SUSD4: variants seen among roughly 807,000 people sequenced by gnomAD.
SUSD4 encodes the protein sushi domain containing 4, also known as sushi domain-containing protein 4.
SUSD4 carries 41 observed loss-of-function variants against 50.5 expected under a neutral mutation model. That is an observed-to-expected ratio of 0.81 (90% confidence interval 0.63 to 1.05). The LOEUF (loss-of-function observed/expected upper bound fraction) is 1.05. SUSD4 is among the 50% of genes least tolerant of loss of function. SUSD4 has a pLI of 0.00. For missense variants in SUSD4, 580 were observed against 634.7 expected (o/e 0.91, Z 0.93); for synonymous variants, 257 against 257.3 (o/e 1.00, Z 0.01).
At chr1:223,281,643 G>A (rs1357387231) in intron 3 of SUSD4, among the ~76,000 whole-genome samples, 2 of 152,100 alleles carry the variant, frequency 1.3e-5, no homozygotes, top group Admixed American at 6.5e-5. Flanking sequence ...ATTCACAGCC[G>A]AATTCTACTA....
rs186797349 is a variant in SUSD4, at chr1:223,226,583, A to G, written c.1061+1011T>C. ...CCTCTCACAGCTGGGAGATGTGAGC[A>G]ACACACTGCATTTTCCTGAAGGGAA... On this transcript the variant is annotated intron_variant, in intron 7 of 8. Transcript: ENST00000366878. 6.7e-3 allele frequency among the ~76,000 whole-genome samples: 1,018 copies of G among 152,336 alleles called. 14 individuals are homozygous for G. Among genetic ancestry groups the G allele is most frequent in the African/African-American group, 0.023 (966 of 41,576 alleles).
chr1:223,329,461 T>A (rs1199469113), intron 2 of SUSD4, among the ~76,000 whole-genome samples: 1 of 152,218 alleles, frequency 6.6e-6, no homozygotes, highest in African/African-American at 2.4e-5. Context: ...AAGTTCTAAC[T>A]TTCCCTCCTC....
chr1:223,359,648 T>C (rs1668860224), intron 2 of SUSD4, among the ~76,000 whole-genome samples: 1 of 152,258 alleles, frequency 6.6e-6, no homozygotes, highest in African/African-American at 2.4e-5. Context: ...GTGTCAGATG[T>C]TGTGCTGGGT....
At chr1:223,314,884 G>A (rs1191344400) in intron 2 of SUSD4, among the ~76,000 whole-genome samples, 1 of 152,152 alleles carries the variant, frequency 6.6e-6, no homozygotes, top group Non-Finnish European at 1.5e-5. Context: ...ATACACTCCA[G>A]AAATCTTATC....
chr1:223,223,320 T>A lies in SUSD4; in HGVS notation c.1373A>T (p.Asp458Val), dbSNP rs374881976. 6.2e-7 allele frequency: 1 copy of A among 1,605,050 alleles called. No individual in the cohort carries two copies. Among genetic ancestry groups the A allele is most frequent in the African/African-American group, 1.3e-5 (1 of 74,796 alleles). The change falls in exon 8 of 9, where the codon GAC becomes GTC. Residue 458 changes from aspartate (D) to valine (V), a missense_variant. Physicochemically the swap from Asp to Val is radical, Grantham distance 152. Coordinates refer to ENST00000366878, the MANE Select transcript of SUSD4 (RefSeq NM_017982.4). ...CGTGCTGGCAATTATGTCAGGGTTG[T>A]CCGAAGCAGGGTGGGTGCTCTCTTG... ...RCQESTHPAS[D>V]NPDIIASTAE...
At chr1:223,358,078 C>T (rs1000127692) in intron 2 of SUSD4, among the ~76,000 whole-genome samples, 3 of 152,142 alleles carry the variant, frequency 2.0e-5, no homozygotes, top group African/African-American at 7.2e-5. Context: ...AACACTAACA[C>T]GGAATTTTAA....
At position 223,229,805 on chromosome 1, in the gene SUSD4, C is replaced by G. The variant is rs1460685055; in HGVS notation, c.725-417G>C. Among the ~76,000 whole-genome samples the G allele has an allele frequency of 6.6e-6, 1 of 152,190 alleles. No individual in the cohort carries two copies. Among genetic ancestry groups the G allele is most frequent in the African/African-American group, 2.4e-5 (1 of 41,436 alleles). On this transcript the variant is annotated intron_variant, in intron 5 of 8. Coordinates refer to ENST00000366878, the MANE Select transcript of SUSD4 (RefSeq NM_017982.4). The surrounding 1 kb of genome is among the most constrained non-coding windows in gnomAD (Gnocchi z 4.7). Reference sequence around the variant, plus strand: ...TATCCCAAGCCTGTTTCTGTGACCACAGTAGTAATTTGGGTCTATTAAAAT... The same window carrying G: ...TATCCCAAGCCTGTTTCTGTGACCAGAGTAGTAATTTGGGTCTATTAAAAT...
At chr1:223,317,995 T>C (rs1666326031) in intron 2 of SUSD4, among the ~76,000 whole-genome samples, 1 of 102,036 alleles carries the variant, frequency 9.8e-6, no homozygotes, top group Non-Finnish European at 2.0e-5. Context: ...CTCCCAATGC[T>C]ATCCCTCCCC....
At chr1:223,270,326 A>G (rs1055328388) in intron 3 of SUSD4, among the ~76,000 whole-genome samples, 4 of 152,078 alleles carry the variant, frequency 2.6e-5, no homozygotes, top group Non-Finnish European at 5.9e-5. Context: ...ACCTGCGCAC[A>G]CACCTGGCGA....
intron 5 of SUSD4, among the ~76,000 whole-genome samples, chr1:223,246,177 T>C (rs1176547938): frequency 1.3e-5 from 2 of 152,046 alleles, no homozygotes; most frequent in Non-Finnish European, 2.9e-5. Context: ...ACGAAAAAGA[T>C]GGCAGAGGAG....
chr1:223,338,983 A>C (rs986520838), intron 2 of SUSD4, among the ~76,000 whole-genome samples: 3 of 152,172 alleles, frequency 2.0e-5, no homozygotes, highest in African/African-American at 7.2e-5. Flanking sequence ...GTCACGTGGG[A>C]AGACTGTGTG....
chr1:223,290,408 T>C (rs910835582), intron 3 of SUSD4, among the ~76,000 whole-genome samples: 5 of 152,216 alleles, frequency 3.3e-5, no homozygotes, highest in African/African-American at 9.7e-5. Context: ...AATCTCTTTA[T>C]ACAGATCTTT....
intron 2 of SUSD4, among the ~76,000 whole-genome samples, chr1:223,336,387 T>A (rs1667457862): frequency 6.6e-6 from 1 of 152,242 alleles, no homozygotes; most frequent in Non-Finnish European, 1.5e-5. Context: ...ATTTTTAGTA[T>A]CTAAATTTTA....
intron 5 of SUSD4, among the ~76,000 whole-genome samples, chr1:223,250,847 C>T (rs909307637): frequency 6.6e-6 from 1 of 152,144 alleles, no homozygotes; most frequent in Non-Finnish European, 1.5e-5. Context: ...GGGCTGTGGG[C>T]AGGCCAAAGG....
At chr1:223,356,473 T>C (rs4661241) in intron 2 of SUSD4, among the ~76,000 whole-genome samples, 10,465 of 151,908 alleles carry the variant, frequency 0.069, 555 homozygotes, top group East Asian at 0.2. Context: ...TGCACTGGCA[T>C]GATCATAGCT....
chr1:223,356,806 A>C (rs928635965), intron 2 of SUSD4, among the ~76,000 whole-genome samples: 31 of 152,192 alleles, frequency 2.0e-4, no homozygotes, highest in Non-Finnish European at 2.9e-5. Flanking sequence ...AACAACAACA[A>C]AAAAAGGCAG....
intron 2 of SUSD4, among the ~76,000 whole-genome samples, chr1:223,356,479 T>G (rs939909072): frequency 6.6e-6 from 1 of 152,034 alleles, no homozygotes; most frequent in Non-Finnish European, 1.5e-5. Context: ...GGCATGATCA[T>G]AGCTCGCTGC....
chr1:223,333,062 C>T (rs920334385), intron 2 of SUSD4, among the ~76,000 whole-genome samples: 1 of 152,120 alleles, frequency 6.6e-6, no homozygotes, highest in Non-Finnish European at 1.5e-5. Context: ...TTTCCTTAGG[C>T]TTCTCCATCC....
At position 223,283,504 on chromosome 1, in the gene SUSD4, A is replaced by G. The variant is rs142525102; in HGVS notation, c.361+8935T>C. Among the ~76,000 whole-genome samples the G allele has an allele frequency of 8.7e-3, 1,325 of 152,344 alleles. 12 individuals are homozygous for G. Among genetic ancestry groups the G allele is most frequent in the Non-Finnish European group, 0.012 (807 of 68,026 alleles). On this transcript the variant is annotated intron_variant, in intron 3 of 8. Transcript: ENST00000366878. ...AATGCTCATCATCACTGGCCATCAG[A>G]GAAATGCAAATCAAAACCACAATGA...
Sources: gnomAD v4.1 joint callset for allele counts (sites outside exome capture counted in the v4.1 genomes callset) on GRCh38, gnomAD v4.1.1 for gene constraint, Gnocchi (gnomAD v3.1) non-coding constraint, MANE v1.5 for transcripts, NCBI Gene and HGNC (gene_info 2026-07-23, HGNC 2026-07-21) for gene names.